CCDC171: variants seen among roughly 807,000 people sequenced by gnomAD.
CCDC171 encodes coiled-coil domain-containing protein 171.
A neutral mutation model predicts 168.2 loss-of-function variants in CCDC171; 177 were observed. The observed-to-expected ratio is 1.05, with a 90% CI of 0.93 to 1.19. The LOEUF (loss-of-function observed/expected upper bound fraction) is 1.19. Among genes scored for constraint, CCDC171 ranks in the 50% most tolerant of loss-of-function variants. The pLI, the probability that CCDC171 is intolerant of heterozygous loss-of-function variation, is 0.00. For missense variants in CCDC171, 1,991 were observed against 1,539.0 expected, an observed-to-expected ratio of 1.29 and a Z score of -4.91; for synonymous variants, 687 against 540.8, an observed-to-expected ratio of 1.27 and a Z score of -3.75.
At chr9:15,563,293 C>T (rs571100419) in intron 1 of CCDC171, among the ~76,000 whole-genome samples, 2 of 151,964 alleles carry the variant, frequency 1.3e-5, no homozygotes, top group African/African-American at 4.8e-5. Context: ...CATGTGCCAC[C>T]CCGCCTGGCT....
In CCDC171 at chr9:15,591,366, C is replaced by T. The variant is rs2131463027; in HGVS notation, c.353C>T (p.Ala118Val). 1 of 1,570,376 alleles carries T rather than the reference C, an allele frequency of 6.4e-7. No homozygotes were observed. The stretch of plus-strand genomic sequence containing the variant: ...GTACCTATTATTCTATTCTTAATAG[C>T]ACAGAATTCAGAACTTCAAGCAAAG... ...EAHRIQEKLC[A>V]QNSELQAKTN... The change falls in exon 5 of 26, where the codon GCA becomes GTA. Residue 118 changes from alanine to valine, a missense_variant and splice_region_variant. Coordinates refer to ENST00000380701, the MANE Select transcript of CCDC171 (RefSeq NM_173550.4).
At chr9:15,662,936 G>A (rs2048431019) in intron 8 of CCDC171, among the ~76,000 whole-genome samples, 2 of 152,098 alleles carry the variant, frequency 1.3e-5, no homozygotes, top group South Asian at 2.1e-4. Flanking sequence ...AGCTGAGATT[G>A]CACCACTACA....
At chr9:15,559,742 T>C (rs1391075024) in intron 1 of CCDC171, among the ~76,000 whole-genome samples, 4 of 152,166 alleles carry the variant, frequency 2.6e-5, no homozygotes, top group African/African-American at 9.6e-5. Flanking sequence ...TTAAAGTTAA[T>C]ATTGGTATGT....
chr9:15,672,389 C>T (rs1223530588), intron 9 of CCDC171, among the ~76,000 whole-genome samples: 1 of 152,134 alleles, frequency 6.6e-6, no homozygotes, highest in African/African-American at 2.4e-5. Context: ...ACTTTTGTTG[C>T]CATTGCTTTT....
chr9:15,813,596 T>C (rs1040453467), intron 21 of CCDC171, among the ~76,000 whole-genome samples: 4 of 142,904 alleles, frequency 2.8e-5, no homozygotes, highest in Non-Finnish European at 4.6e-5. Flanking sequence ...TTACATACTT[T>C]TACATGTATT....
intron 9 of CCDC171, 78 bp downstream of exon 9, chr9:15,666,401 T>G (rs2048737336): frequency 2.0e-6 from 2 of 1,005,154 alleles, no homozygotes; most frequent in African/African-American, 1.6e-5. Context: ...ATGTATACTA[T>G]GTATTTTAGA....
intron 8 of CCDC171, among the ~76,000 whole-genome samples, chr9:15,664,694 G>GTTTT (rs71325927): frequency 9.0e-4 from 89 of 99,434 alleles, no homozygotes; most frequent in African/African-American, 2.1e-3. Context: ...ATATAGTTTT[G>GTTTT]TTTTTTTTTT....
At chr9:15,663,902 G>A (rs1023838700) in intron 8 of CCDC171, among the ~76,000 whole-genome samples, 5 of 152,098 alleles carry the variant, frequency 3.3e-5, no homozygotes, top group Non-Finnish European at 5.9e-5. Context: ...CACCGCGCCC[G>A]GCTGAGAATT....
chr9:15,923,878 C>T (rs1230768305), intron 25 of CCDC171, among the ~76,000 whole-genome samples: 2 of 151,256 alleles, frequency 1.3e-5, no homozygotes, highest in African/African-American at 4.8e-5. Flanking sequence ...TTCTCTACTA[C>T]TCCCTCATTG....
At chr9:15,617,568 G>A (rs1185012526) in intron 6 of CCDC171, among the ~76,000 whole-genome samples, 1 of 151,906 alleles carries the variant, frequency 6.6e-6, no homozygotes, top group African/African-American at 2.4e-5. Flanking sequence ...AGTAGAGACG[G>A]GGTTTCACCA....
intron 21 of CCDC171, among the ~76,000 whole-genome samples, chr9:15,843,492 A>C (rs2130681337): frequency 6.6e-6 from 1 of 152,228 alleles, no homozygotes; most frequent in South Asian, 2.1e-4. Context: ...CCTGAGTACA[A>C]AATGAGGGCT....
intron 8 of CCDC171, among the ~76,000 whole-genome samples, chr9:15,657,991 G>A (rs2048063951): frequency 1.3e-5 from 2 of 152,144 alleles, no homozygotes; most frequent in African/African-American, 2.4e-5. Context: ...ATGCCCATTT[G>A]TTTACATATT....
chr9:15,696,276 A>G (rs554124818), intron 11 of CCDC171, among the ~76,000 whole-genome samples: 10 of 152,298 alleles, frequency 6.6e-5, no homozygotes, highest in Admixed American at 2.6e-4. Flanking sequence ...ATCAAGGTTC[A>G]TATTTTGCCT....
intron 24 of CCDC171, among the ~76,000 whole-genome samples, chr9:15,892,955 C>A (rs940146940): frequency 1.3e-5 from 2 of 151,958 alleles, no homozygotes; most frequent in Admixed American, 6.6e-5. Context: ...AATATGGAAC[C>A]AAGAAAGAAC....
intron 8 of CCDC171, among the ~76,000 whole-genome samples, chr9:16,036,631 G>A (rs553605803): frequency 1.3e-5 from 2 of 152,320 alleles, no homozygotes; most frequent in East Asian, 1.9e-4. Flanking sequence ...GCCACAGAGC[G>A]AGACTCCGTC....
chr9:15,921,349 C>G (rs922273447), intron 25 of CCDC171, among the ~76,000 whole-genome samples: 1 of 151,606 alleles, frequency 6.6e-6, no homozygotes, highest in Non-Finnish European at 1.5e-5. Context: ...ACCATCAACT[C>G]TCCCTGCCCC....
chr9:16,092,130 T>C, the CCDC171 span, among the ~76,000 whole-genome samples: 8 of 152,318 alleles, frequency 5.3e-5, no homozygotes, highest in South Asian at 6.2e-4. Context: ...GAAAAGCAAA[T>C]AGGATCTGCC....
chr9:15,958,027 T>C (rs951363723), intron 25 of CCDC171, among the ~76,000 whole-genome samples: 1 of 152,178 alleles, frequency 6.6e-6, no homozygotes, highest in Non-Finnish European at 1.5e-5. Flanking sequence ...AATAAAAATA[T>C]TTGCAGAAAG....
At chr9:15,863,421 C>T (rs2061643822) in intron 23 of CCDC171, among the ~76,000 whole-genome samples, 1 of 151,958 alleles carries the variant, frequency 6.6e-6, no homozygotes, top group African/African-American at 2.4e-5. Context: ...CCAGGGTTTC[C>T]TATTCCACCA....
Sources: gnomAD v4.1 joint callset for allele counts (sites outside exome capture counted in the v4.1 genomes callset) on GRCh38, gnomAD v4.1.1 for gene constraint, MANE v1.5 for transcripts, NCBI Gene and HGNC (gene_info 2026-07-23, HGNC 2026-07-21) for gene names.